The following RASA2 variants were observed in gnomAD, a reference collection of about 807,000 sequenced individuals.
RASA2 encodes the protein ras GTPase-activating protein 2.
A neutral mutation model predicts 118.2 loss-of-function variants in RASA2; 155 were observed. The ratio of observed to expected loss-of-function variants is 1.31; its 90% CI spans 1.15 to 1.50. The LOEUF (loss-of-function observed/expected upper bound fraction) is 1.50, where lower values mean the gene tolerates loss of function less well. Ranked by LOEUF, RASA2 falls within the 40% of genes most tolerant of loss-of-function variation. The probability of loss-of-function intolerance (pLI) is 0.00; values close to 1 mark genes in which losing one functional copy is unlikely to be tolerated. For synonymous variants in RASA2, 353 were observed against 349.1 expected (o/e 1.01, Z -0.12); for missense variants, 1,016 against 1,009.6 (o/e 1.01, Z -0.09).
Position 141,487,198 on chromosome 3 carries a change from A to G in RASA2, c.115A>G (p.Ser39Gly). Residue 39 changes from serine to glycine, a missense_variant, in exon 1 of 24, where the codon AGC (serine) becomes GGC (glycine). Coordinates refer to ENST00000286364, the MANE Select transcript of RASA2 (RefSeq NM_006506.5). ...QDSREVRVLQSLRGKICEAKN... is the reference protein window; with the variant it reads ...QDSREVRVLQGLRGKICEAKN... ...CAGTCGCGAGGTTCGAGTGTTGCAGAGCCTGCGGGGCAAGATCTGTAAGCG... is the reference window on the plus strand; with the variant it reads ...CAGTCGCGAGGTTCGAGTGTTGCAGGGCCTGCGGGGCAAGATCTGTAAGCG... The G allele has an allele frequency of 1.4e-6, 2 of 1,446,926 alleles. No homozygotes were observed. Among genetic ancestry groups the G allele is most frequent in the Non-Finnish European group, 9.2e-7 (1 of 1,089,156 alleles). The allele number at this position is 1,446,926 out of a possible 1,614,324, so 89.6% of individuals were successfully genotyped here. A position where few individuals can be genotyped will look rare whatever the true frequency, so the allele number is the denominator to read the frequency against.
intron 17 of RASA2, among the ~76,000 whole-genome samples, chr3:141,582,740 A>G (rs192164985): frequency 5.3e-4 from 80 of 152,328 alleles, no homozygotes; most frequent in African/African-American, 1.9e-3. Flanking sequence ...AGTAGTTACA[A>G]CAAGATATGT....
intron 1 of RASA2, among the ~76,000 whole-genome samples, chr3:141,506,091 A>G (rs544172267): frequency 6.6e-6 from 1 of 152,342 alleles, no homozygotes; most frequent in Admixed American, 6.5e-5. Context: ...AAATTAGTTA[A>G]CAGTTATGTT....
intron 1 of RASA2, among the ~76,000 whole-genome samples, chr3:141,503,842 C>T (rs775274942): frequency 1.1e-4 from 16 of 152,120 alleles, no homozygotes; most frequent in Admixed American, 2.6e-4. Context: ...ATTTTCAAAA[C>T]GTCTCTGTAT....
At chr3:141,508,061 G>A (rs760457981) in intron 1 of RASA2, among the ~76,000 whole-genome samples, 6 of 151,874 alleles carry the variant, frequency 4.0e-5, no homozygotes, top group Admixed American at 1.3e-4. Flanking sequence ...AAATAATACC[G>A]TCAAACAATG....
intron 14 of RASA2, among the ~76,000 whole-genome samples, chr3:141,574,425 G>A (rs1053911029): frequency 1.3e-5 from 2 of 152,024 alleles, no homozygotes; most frequent in African/African-American, 2.4e-5. Context: ...TCCTGAACTC[G>A]TGATCCGCCC....
intron 19 of RASA2, among the ~76,000 whole-genome samples, chr3:141,589,830 G>A (rs2083261210): frequency 6.6e-6 from 1 of 151,364 alleles, no homozygotes; most frequent in African/African-American, 2.4e-5. Flanking sequence ...AACAGAATGA[G>A]GCTCTGTCTC....
At chr3:141,501,432 A>C (rs2081780181) in intron 1 of RASA2, among the ~76,000 whole-genome samples, 1 of 152,236 alleles carries the variant, frequency 6.6e-6, no homozygotes, top group African/African-American at 2.4e-5. Context: ...TATCCATTGA[A>C]TATTTACTCT....
intron 23 of RASA2, among the ~76,000 whole-genome samples, chr3:141,610,469 A>T (rs1395007939): frequency 8.9e-6 from 1 of 112,584 alleles, no homozygotes; most frequent in Non-Finnish European, 1.6e-5. Flanking sequence ...TTTATATATT[A>T]TATATATAAA....
intron 23 of RASA2, among the ~76,000 whole-genome samples, chr3:141,610,402 TA>T (rs1248919660): frequency 9.2e-6 from 1 of 108,748 alleles, no homozygotes; most frequent in South Asian, 2.6e-4. Flanking sequence ...TATATTTATA[TA>T]TTATATATTT....
intron 3 of RASA2, among the ~76,000 whole-genome samples, chr3:141,521,804 C>A (rs987529821): frequency 8.6e-5 from 13 of 151,778 alleles, no homozygotes. Flanking sequence ...ACTACATACC[C>A]TTTAAGGTTG....
At chr3:141,533,203 C>T (rs1440056773) in intron 4 of RASA2, among the ~76,000 whole-genome samples, 2 of 152,112 alleles carry the variant, frequency 1.3e-5, no homozygotes, top group African/African-American at 4.8e-5. Flanking sequence ...GAAAGTTTGG[C>T]TAAACTTGGG....
Position 141,609,850 on chromosome 3 carries a change from A to C in RASA2, c.2330-27A>C, listed in dbSNP as rs77226789. 1.3e-3 allele frequency: 1,949 copies of C among 1,510,012 alleles called. 28 individuals carry two copies. The African/African-American group carries it at 0.025, about 19-fold the overall frequency. The allele number at this position is 1,510,012 out of a possible 1,614,324, so 93.5% of individuals were successfully genotyped here. The stretch of plus-strand genomic sequence containing the variant: ...ATTTATAGAATTTAGTTGTCTGATC[A>C]GAGATTTATTTTCCTGCTCTTTGTA... On this transcript the variant is annotated intron_variant, in intron 22 of 23. Coordinates refer to ENST00000286364, the MANE Select transcript of RASA2 (RefSeq NM_006506.5).
At chr3:141,530,806 C>T (rs1369981498) in intron 4 of RASA2, among the ~76,000 whole-genome samples, 2 of 152,104 alleles carry the variant, frequency 1.3e-5, no homozygotes, top group Non-Finnish European at 2.9e-5. Flanking sequence ...ATATTCTTGT[C>T]TTTCCTTATG....
At chr3:141,490,232 A>G (rs1038424251) in intron 1 of RASA2, among the ~76,000 whole-genome samples, 6 of 151,080 alleles carry the variant, frequency 4.0e-5, no homozygotes, top group Admixed American at 2.7e-4. Context: ...GATAAAGGAA[A>G]TTAGGGGTGT....
intron 1 of RASA2, among the ~76,000 whole-genome samples, chr3:141,511,401 A>T (rs2081948622): frequency 1.3e-5 from 2 of 152,114 alleles, no homozygotes; most frequent in Admixed American, 1.3e-4. Flanking sequence ...TTTGGAATTG[A>T]GGCATTGCAT....
intron 4 of RASA2, among the ~76,000 whole-genome samples, chr3:141,530,877 A>G (rs771151992): frequency 1.3e-5 from 2 of 152,094 alleles, no homozygotes; most frequent in African/African-American, 2.4e-5. Context: ...GTGAGAAGCA[A>G]TGTGAAGAAG....
chr3:141,513,216 TA>T (rs1348894083), intron 2 of RASA2, among the ~76,000 whole-genome samples: 1 of 151,548 alleles, frequency 6.6e-6, no homozygotes, highest in East Asian at 1.9e-4. Context: ...TTTATGCCTT[TA>T]AAAAAATATC....
At chr3:141,546,322 C>T (rs1365496127) in intron 5 of RASA2, among the ~76,000 whole-genome samples, 1 of 152,172 alleles carries the variant, frequency 6.6e-6, no homozygotes, top group Non-Finnish European at 1.5e-5. Context: ...TACAAGGGTT[C>T]CCTTTTCTCC....
chr3:141,580,798 G>T (rs2083100599), intron 16 of RASA2, among the ~76,000 whole-genome samples: 1 of 149,098 alleles, frequency 6.7e-6, no homozygotes, highest in Non-Finnish European at 1.5e-5. Context: ...GTCTCTAGAA[G>T]TTTTAAAAAG....
Sources: allele counts gnomAD v4.1 joint callset (sites outside exome capture counted in the v4.1 genomes callset), GRCh38; gene constraint gnomAD v4.1.1; transcripts MANE v1.5; gene names NCBI Gene and HGNC (gene_info 2026-07-23, HGNC 2026-07-21).